ATRX: variants seen among roughly 807,000 people sequenced by gnomAD.
ATRX encodes the protein ATRX chromatin remodeler, also known as chromatin remodeler ATRX.
Under a neutral mutation model 172.6 loss-of-function variants are expected in ATRX, and 12 were observed. The observed-to-expected ratio is 0.07, with a 90% confidence interval of 0.04 to 0.11. The LOEUF (loss-of-function observed/expected upper bound fraction) is 0.11, where lower values mean the gene tolerates loss of function less well. Among genes scored for constraint, ATRX ranks in the 10% least tolerant of loss-of-function variants. The pLI, the probability that ATRX is intolerant of heterozygous loss-of-function variation, is 1.00. For missense variants in ATRX, 1,368 were observed against 1,767.4 expected (o/e 0.77, Z 4.05); for synonymous variants, 674 against 594.7 (o/e 1.13, Z -1.94).
intron 1 of ATRX, among the ~76,000 whole-genome samples, chrX:77,729,147 A>G (rs1376413503): frequency 1.8e-5 from 2 of 108,544 alleles, no homozygotes; most frequent in Non-Finnish European, 3.8e-5. Context: ...AAAAAACTGT[A>G]ATCAATTAAA....
chrX:77,597,401 T>G, intron 25 of ATRX, among the ~76,000 whole-genome samples: 1 of 107,782 alleles, frequency 9.3e-6, no homozygotes, highest in Non-Finnish European at 1.9e-5. Flanking sequence ...AATTGACAAC[T>G]GGGACCTAAT....
Position 77,684,255 on chromosome X carries a change from G to A in ATRX, c.1001C>T (p.Ser334Phe), listed in dbSNP as rs1557142507. Residue 334 changes from serine (S) to phenylalanine (F), a missense_variant, in exon 9 of 35, where the codon TCC becomes TTC. Coordinates refer to ENST00000373344, the MANE Select transcript of ATRX (RefSeq NM_000489.6). ...CNGEEKKLDD[S>F]CSGSVTYSYS... ...AGAGTAGGTTACAGAGCCAGAACAGGAATCATCTAATTTCTTTTCTTCTCC... is the reference window on the plus strand; with the variant it reads ...AGAGTAGGTTACAGAGCCAGAACAGAAATCATCTAATTTCTTTTCTTCTCC... 9 of 1,209,644 alleles carry A rather than the reference G, an allele frequency of 7.4e-6. No individual in the cohort carries two copies. The highest frequency in any genetic ancestry group is 1.0e-5 in the Non-Finnish European group (9 of 893,751).
At chrX:77,722,767 G>A (rs1164375358) in intron 1 of ATRX, among the ~76,000 whole-genome samples, 4 of 111,733 alleles carry the variant, frequency 3.6e-5, no homozygotes, top group East Asian at 2.8e-4. Flanking sequence ...TTCAACCATC[G>A]TGGCAGACAG....
chrX:77,602,489 T>C (rs782817744), intron 22 of ATRX, among the ~76,000 whole-genome samples: 1 of 109,385 alleles, frequency 9.1e-6, no homozygotes, highest in East Asian at 2.9e-4. Flanking sequence ...ATTTGCAAAG[T>C]AGAAGGTTGA....
intron 1 of ATRX, among the ~76,000 whole-genome samples, chrX:77,771,299 C>T (rs1426389978): frequency 1.8e-5 from 2 of 108,482 alleles, no homozygotes; most frequent in Non-Finnish European, 3.8e-5. Context: ...TCACTTAAAC[C>T]CAGAAGGCGG....
intron 2 of ATRX, among the ~76,000 whole-genome samples, chrX:77,713,628 GA>G (rs1370413888): frequency 1.8e-5 from 2 of 111,551 alleles, no homozygotes; most frequent in Non-Finnish European, 3.8e-5. Flanking sequence ...AATATTCATG[GA>G]AAAAATTGTA....
At chrX:77,601,012 G>A (rs1208435880) in intron 22 of ATRX, among the ~76,000 whole-genome samples, 6 of 111,426 alleles carry the variant, frequency 5.4e-5, no homozygotes, top group Non-Finnish European at 1.1e-4. Context: ...GCTTTAGCTA[G>A]AGGTTAAGGG....
At chrX:77,521,090 GGGCT>G in intron 33 of ATRX, 174 bp from the exon 34 acceptor site, 1 of 474,842 alleles carries the variant, frequency 2.1e-6, no homozygotes, top group Admixed American at 4.0e-5. Context: ...TGCTGTACCT[GGGCT>G]GGCTATCTCT....
chrX:77,746,277 C>T (rs1382322934), intron 1 of ATRX, among the ~76,000 whole-genome samples: 1 of 110,809 alleles, frequency 9.0e-6, no homozygotes, highest in Non-Finnish European at 1.9e-5. Flanking sequence ...AAAAAGTGCA[C>T]AAGTACCCCC....
intron 2 of ATRX, chrX:77,699,650 T>C (rs2072395743): frequency 8.9e-6 from 1 of 111,781 alleles, no homozygotes; most frequent in African/African-American, 3.3e-5. Flanking sequence ...TATAAAGGAA[T>C]ACTATGAACA....
intron 30 of ATRX, among the ~76,000 whole-genome samples, chrX:77,542,188 C>A (rs1223713727): frequency 9.0e-6 from 1 of 111,244 alleles, no homozygotes; most frequent in Non-Finnish European, 1.9e-5. Context: ...AAACATAGAG[C>A]CAAATCATGA....
At chrX:77,521,559 G>A (rs2063232995) in intron 32 of ATRX, 61 bp from the exon 33 acceptor site, 1 of 932,697 alleles carries the variant, frequency 1.1e-6, no homozygotes, top group African/African-American at 1.9e-5. Flanking sequence ...TTAAAGTATA[G>A]GGAATCCTTC....
intron 1 of ATRX, among the ~76,000 whole-genome samples, chrX:77,732,079 T>C (rs1251040116): frequency 9.0e-6 from 1 of 111,608 alleles, no homozygotes; most frequent in East Asian, 2.8e-4. Context: ...TAACACCCCC[T>C]CAGGGGCCTC....
intron 25 of ATRX, among the ~76,000 whole-genome samples, chrX:77,597,444 AAAAC>A (rs782433961): frequency 2.7e-4 from 30 of 111,130 alleles, no homozygotes; most frequent in Non-Finnish European, 4.2e-4. Flanking sequence ...GCAAAAACAA[AAAAC>A]AAACAAACAA....
At chrX:77,585,140 T>C (rs2065958676) in intron 27 of ATRX, among the ~76,000 whole-genome samples, 1 of 111,042 alleles carries the variant, frequency 9.0e-6, no homozygotes, top group Admixed American at 9.6e-5. Context: ...TTATCCAAAG[T>C]CAGGGAGTAA....
At chrX:77,734,969 G>A (rs2074475691) in intron 1 of ATRX, among the ~76,000 whole-genome samples, 1 of 108,216 alleles carries the variant, frequency 9.2e-6, no homozygotes, top group African/African-American at 3.4e-5. Context: ...AAATTAGCTT[G>A]TAATCCCAGC....
intron 28 of ATRX, among the ~76,000 whole-genome samples, chrX:77,564,380 T>C (rs782633122): frequency 1.8e-5 from 2 of 110,847 alleles, no homozygotes; most frequent in African/African-American, 6.6e-5. Flanking sequence ...GCTACCTTTT[T>C]ATTTTTAAAA....
chrX:77,653,053 A>G lies in ATRX; in HGVS notation c.4318-700T>C, dbSNP rs190759140. 2.7e-5 allele frequency among the ~76,000 whole-genome samples: 3 copies of G among 110,809 alleles called. No individual in the cohort carries two copies. In the East Asian group the frequency reaches 8.4e-4, roughly 31 times the overall value. On this transcript the variant is annotated intron_variant, in intron 14 of 34. Transcript: ENST00000373344. ...AAGAAAAAAAGAAAGAAACAAAGGA[A>G]GTGTTGGCAAAGATGCAGACAAATT... is the stretch of plus-strand genomic sequence containing the variant.
intron 2 of ATRX, among the ~76,000 whole-genome samples, chrX:77,704,385 T>A (rs1327734393): frequency 9.0e-6 from 1 of 111,684 alleles, no homozygotes; most frequent in African/African-American, 3.3e-5. Context: ...GAGGGGAGGA[T>A]GTGCATGCCA....
Sources: gnomAD v4.1 joint callset for allele counts (sites outside exome capture counted in the v4.1 genomes callset) on GRCh38, gnomAD v4.1.1 for gene constraint, MANE v1.5 for transcripts, NCBI Gene and HGNC (gene_info 2026-07-23, HGNC 2026-07-21) for gene names.